DMD: variants seen among roughly 807,000 people sequenced by gnomAD.
DMD encodes the protein dystrophin.
A neutral mutation model predicts 330.1 loss-of-function variants in DMD; 63 were observed. That is an observed-to-expected ratio of 0.19 (90% CI 0.16 to 0.24). The LOEUF (loss-of-function observed/expected upper bound fraction) is 0.24, where lower values mean the gene tolerates loss of function less well. Among genes scored for constraint, DMD ranks in the 10% least tolerant of loss-of-function variants. DMD has a pLI of 1.00. For missense variants in DMD, 3,344 were observed against 2,684.1 expected, an observed-to-expected ratio of 1.25 and a Z score of -5.43; for synonymous variants, 1,223 against 959.8, an observed-to-expected ratio of 1.27 and a Z score of -5.07.
chrX:33,022,462 C>G (rs1041564348), intron 1 of DMD, among the ~76,000 whole-genome samples: 5 of 110,575 alleles, frequency 4.5e-5, no homozygotes, highest in African/African-American at 6.6e-5. Flanking sequence ...TCTCTCACCT[C>G]TACGTCTTTA....
At chrX:33,268,520 C>T (rs2053088732) in intron 1 of DMD, among the ~76,000 whole-genome samples, 1 of 111,617 alleles carries the variant, frequency 9.0e-6, no homozygotes, top group Non-Finnish European at 1.9e-5. Flanking sequence ...GGAAGACATG[C>T]AAGCGACCAA....
intron 76 of DMD, among the ~76,000 whole-genome samples, chrX:31,138,655 G>GTGTGA (rs2035584851): frequency 1.1e-5 from 1 of 93,520 alleles, no homozygotes; most frequent in African/African-American, 4.0e-5. Context: ...GAGAGAGAGA[G>GTGTGA]AGAGAGAGAG....
intron 43 of DMD, among the ~76,000 whole-genome samples, chrX:32,270,089 G>T (rs2097360003): frequency 8.9e-6 from 1 of 112,228 alleles, no homozygotes; most frequent in African/African-American, 3.2e-5. Flanking sequence ...TATCCTGTGA[G>T]CTGTGATAGT....
At chrX:33,138,073 G>C (rs1349547292) in intron 1 of DMD, among the ~76,000 whole-genome samples, 1 of 111,011 alleles carries the variant, frequency 9.0e-6, no homozygotes, top group African/African-American at 3.3e-5. Flanking sequence ...AAAAAAGAGA[G>C]TCAGTGTATA....
intron 44 of DMD, among the ~76,000 whole-genome samples, chrX:32,067,008 A>G (rs1373861437): frequency 9.0e-6 from 1 of 111,663 alleles, no homozygotes; most frequent in African/African-American, 3.2e-5. Flanking sequence ...GCAATTCAAT[A>G]TATAACCCAT....
At chrX:33,015,065 T>A (rs1457279859) in intron 2 of DMD, among the ~76,000 whole-genome samples, 3 of 111,396 alleles carry the variant, frequency 2.7e-5, no homozygotes, top group African/African-American at 9.8e-5. Flanking sequence ...ACACTGTTGG[T>A]GGGAGAGTAA....
In DMD at chrX:31,172,225, T is replaced by C. The variant is rs2040066230; in HGVS notation, c.10394+123A>G. The C allele has an allele frequency of 1.8e-5, 10 of 559,829 alleles. No homozygotes were observed. In the Admixed American group the frequency reaches 2.3e-4, roughly 13 times the overall value. 46.1% of individuals were successfully genotyped at this position (559,829 alleles called of 1,213,427 possible). ...GAATTAAAGGAAAAAAGTAAATGAATGGCTCCTTAAAAGATCAAATGAATA... is the reference window on the plus strand; with the variant it reads ...GAATTAAAGGAAAAAAGTAAATGAACGGCTCCTTAAAAGATCAAATGAATA... On this transcript the variant is annotated intron_variant, in intron 73 of 78. Coordinates refer to ENST00000357033, the MANE Select transcript of DMD (RefSeq NM_004006.3).
chrX:31,158,999 A>T (rs1317839209), intron 74 of DMD, among the ~76,000 whole-genome samples: 1 of 112,131 alleles, frequency 8.9e-6, no homozygotes, highest in East Asian at 2.8e-4. Context: ...GGATTTTGGG[A>T]AAGAAAATAA....
chrX:32,650,908 A>AT lies in DMD; in HGVS notation c.961-5757dup, dbSNP rs2060107263. Among the ~76,000 whole-genome samples, 3 of 111,494 alleles carry AT rather than the reference A, an allele frequency of 2.7e-5. No homozygotes were observed. In the South Asian group the frequency reaches 1.1e-3, roughly 42 times the overall value. ...CTAATCACTTAACACGCATTATATC[A>AT]TTTTTCACTACAACAGATCAGGGTG... On this transcript the variant is annotated intron_variant, in intron 9 of 78. Transcript: ENST00000357033.
chrX:33,018,703 A>C (rs1241156550), intron 2 of DMD, among the ~76,000 whole-genome samples: 2 of 111,847 alleles, frequency 1.8e-5, no homozygotes, highest in African/African-American at 6.5e-5. Context: ...TTGTTTGAAA[A>C]TATGTCTCTT....
chrX:32,520,239 A>G (rs1305591623), intron 17 of DMD, among the ~76,000 whole-genome samples: 4 of 112,059 alleles, frequency 3.6e-5, no homozygotes, highest in African/African-American at 9.7e-5. Context: ...TGATTAAAAT[A>G]TACAGTACAA....
chrX:31,748,185 A>G (rs777279534), intron 51 of DMD, among the ~76,000 whole-genome samples: 25 of 112,106 alleles, frequency 2.2e-4, no homozygotes, highest in African/African-American at 8.1e-4. Flanking sequence ...GGTGTTACTG[A>G]GGTGAAGGCT....
intron 2 of DMD, among the ~76,000 whole-genome samples, chrX:32,964,157 G>A (rs1248865082): frequency 7.7e-5 from 8 of 104,494 alleles, no homozygotes; most frequent in Non-Finnish European, 1.4e-4. Flanking sequence ...TCGGGAGGAT[G>A]AGGCAGGAGA....
intron 44 of DMD, among the ~76,000 whole-genome samples, chrX:31,982,066 G>C (rs1324942223): frequency 3.6e-5 from 4 of 112,072 alleles, no homozygotes; most frequent in Non-Finnish European, 7.5e-5. Flanking sequence ...AGCTAATTTG[G>C]GTTTGTATGA....
chrX:32,688,997 C>A (rs1415936767), intron 9 of DMD, among the ~76,000 whole-genome samples: 1 of 110,434 alleles, frequency 9.1e-6, no homozygotes, highest in Non-Finnish European at 1.9e-5. Flanking sequence ...TAGGTAACTC[C>A]ATTTGTGGAG....
intron 47 of DMD, among the ~76,000 whole-genome samples, chrX:31,878,133 C>A (rs1438028121): frequency 8.9e-6 from 1 of 111,828 alleles, no homozygotes; most frequent in East Asian, 2.8e-4. Flanking sequence ...TGACAGAAAA[C>A]AGTGTAATGG....
chrX:31,328,242 C>A (rs2056900958), intron 61 of DMD, among the ~76,000 whole-genome samples: 1 of 111,628 alleles, frequency 9.0e-6, no homozygotes, highest in African/African-American at 3.3e-5. Flanking sequence ...AAGCAAAATT[C>A]CTAGAAGTAT....
chrX:32,977,843 G>A (rs187266328), intron 2 of DMD, among the ~76,000 whole-genome samples: 240 of 111,144 alleles, frequency 2.2e-3, no homozygotes, highest in African/African-American at 7.0e-3. Flanking sequence ...TAAACATAAC[G>A]ATGGGCAAAT....
At chrX:31,315,775 T>C (rs1335320610) in intron 62 of DMD, among the ~76,000 whole-genome samples, 1 of 112,257 alleles carries the variant, frequency 8.9e-6, no homozygotes, top group Non-Finnish European at 1.9e-5. Flanking sequence ...TATAGAATGT[T>C]ACAACATTTT....
Sources: allele counts gnomAD v4.1 joint callset (sites outside exome capture counted in the v4.1 genomes callset), GRCh38; gene constraint gnomAD v4.1.1; transcripts MANE v1.5; gene names NCBI Gene and HGNC (gene_info 2026-07-23, HGNC 2026-07-21).